Variants in CCNY observed in about 807,000 individuals in gnomAD.
CCNY encodes cyclin-Y.
CCNY carries 19 observed loss-of-function variants against 42.8 expected under a neutral mutation model. That is an observed-to-expected ratio of 0.44 (90% confidence interval 0.31 to 0.65). CCNY has a LOEUF of 0.65. Ranked by LOEUF, CCNY falls within the 30% of genes least tolerant of loss-of-function variation. The pLI is 0.07. For missense variants in CCNY, 370 were observed against 437.3 expected, an observed-to-expected ratio of 0.85 and a Z score of 1.37; for synonymous variants, 165 against 162.7, an observed-to-expected ratio of 1.01 and a Z score of -0.11.
chr10:35,494,420 C>T (rs563935616), intron 2 of CCNY, among the ~76,000 whole-genome samples: 1 of 152,204 alleles, frequency 6.6e-6, no homozygotes, highest in East Asian at 1.9e-4. Flanking sequence ...AAAATGATAA[C>T]GTCACCTCCA....
At chr10:35,558,482 G>C (rs1841404024) in intron 8 of CCNY, among the ~76,000 whole-genome samples, 1 of 152,210 alleles carries the variant, frequency 6.6e-6, no homozygotes, top group African/African-American at 2.4e-5. Flanking sequence ...GAGTCCCGCT[G>C]AGTCCTGTAA....
intron 1 of CCNY, among the ~76,000 whole-genome samples, chr10:35,476,269 C>T (rs1009994960): frequency 1.6e-4 from 25 of 152,142 alleles, no homozygotes; most frequent in Non-Finnish European, 3.5e-4. Context: ...GAACTCGGCT[C>T]TGCACCAAGC....
intron 2 of CCNY, among the ~76,000 whole-genome samples, chr10:35,492,267 C>T (rs1839914567): frequency 6.6e-6 from 1 of 152,222 alleles, no homozygotes; most frequent in Non-Finnish European, 1.5e-5. Flanking sequence ...CCCCTCCAGG[C>T]CTGAGAGGCC....
At chr10:35,563,867 CCTGA>C (rs1339780991) in intron 8 of CCNY, among the ~76,000 whole-genome samples, 27 of 149,892 alleles carry the variant, frequency 1.8e-4, no homozygotes, top group African/African-American at 4.7e-4. Context: ...CACCACCATG[CCTGA>C]CTAATTTTTT....
chr10:35,377,155 TA>T (rs1564388308), intron 1 of CCNY, among the ~76,000 whole-genome samples: 1 of 152,102 alleles, frequency 6.6e-6, no homozygotes, highest in African/African-American at 2.4e-5. Flanking sequence ...AATTACTTTT[TA>T]AAAAAATATA....
At chr10:35,287,077 GT>G (rs886250073) in intron 3 of CCNY, among the ~76,000 whole-genome samples, 33 of 152,188 alleles carry the variant, frequency 2.2e-4, no homozygotes, top group Admixed American at 2.1e-3. Flanking sequence ...TCAAGAGAGT[GT>G]TTTTTATGTA....
chr10:35,530,766 G>A lies in CCNY; in HGVS notation c.579+523G>A, dbSNP rs979981786. The stretch of plus-strand genomic sequence containing the variant: ...AGGTAACGTATATTTTAAGACTCAA[G>A]AAAAAATAAAAATTTGTTTTTACAG... On this transcript the variant is annotated intron_variant, in intron 7 of 9. Coordinates refer to ENST00000374704, the MANE Select transcript of CCNY (RefSeq NM_145012.6). This position sits in a 1 kb window ranked among gnomAD's most constrained non-coding sequence, Gnocchi z 4.3. Among the ~76,000 whole-genome samples the A allele has an allele frequency of 2.0e-5, 3 of 152,096 alleles. No homozygotes were observed. The highest frequency in any genetic ancestry group is 7.2e-5 in the African/African-American group (3 of 41,420).
At chr10:35,519,948 T>A (rs7075781) in intron 4 of CCNY, among the ~76,000 whole-genome samples, 7,520 of 152,166 alleles carry the variant, frequency 0.049, 536 homozygotes, top group African/African-American at 0.16. Flanking sequence ...CAGCTAATTT[T>A]TGCATTTTTT....
At chr10:35,557,048 G>T (rs1030972041) in intron 8 of CCNY, among the ~76,000 whole-genome samples, 26 of 152,096 alleles carry the variant, frequency 1.7e-4, no homozygotes, top group African/African-American at 5.6e-4. Flanking sequence ...GTTTCACCAT[G>T]TTGGCCAGGC....
At chr10:35,549,106 C>T (rs1267309312) in intron 7 of CCNY, among the ~76,000 whole-genome samples, 2 of 144,888 alleles carry the variant, frequency 1.4e-5, no homozygotes, top group Non-Finnish European at 3.0e-5. Context: ...CCACCCCACC[C>T]CCCCCCGCCC....
intron 1 of CCNY, among the ~76,000 whole-genome samples, chr10:35,459,948 A>G (rs547555004): frequency 6.6e-6 from 1 of 152,166 alleles, no homozygotes; most frequent in Non-Finnish European, 1.5e-5. Flanking sequence ...GAAGGGAAAA[A>G]AAGGATTACT....
intron 7 of CCNY, among the ~76,000 whole-genome samples, chr10:35,544,532 A>G (rs1194064848): frequency 6.6e-6 from 1 of 152,184 alleles, no homozygotes; most frequent in African/African-American, 2.4e-5. Context: ...ATTTTTCAGA[A>G]TGTACCCATT....
intron 2 of CCNY, among the ~76,000 whole-genome samples, chr10:35,485,327 T>A (rs1210543912): frequency 6.6e-6 from 1 of 152,250 alleles, no homozygotes; most frequent in Non-Finnish European, 1.5e-5. Flanking sequence ...CCGTGCTTTT[T>A]AAAAACTTTT....
chr10:35,446,374 C>A (rs1384283900), intron 1 of CCNY, among the ~76,000 whole-genome samples: 1 of 152,200 alleles, frequency 6.6e-6, no homozygotes, highest in African/African-American at 2.4e-5. Flanking sequence ...ACTGGACACA[C>A]ATGCTCAGTG....
chr10:35,550,423 G>C (rs942518555), intron 7 of CCNY, among the ~76,000 whole-genome samples: 2 of 152,128 alleles, frequency 1.3e-5, no homozygotes, highest in Non-Finnish European at 2.9e-5. Context: ...TCTGCCCGGA[G>C]TTTTGCTTCC....
intron 3 of CCNY, among the ~76,000 whole-genome samples, chr10:35,319,712 A>G (rs1231346862): frequency 6.6e-6 from 1 of 151,984 alleles, no homozygotes; most frequent in African/African-American, 2.4e-5. Flanking sequence ...CGTCTCTACT[A>G]AAAATACAAA....
At chr10:35,506,350 C>T (rs1310899715) in intron 3 of CCNY, among the ~76,000 whole-genome samples, 2 of 152,148 alleles carry the variant, frequency 1.3e-5, no homozygotes, top group Non-Finnish European at 2.9e-5. Context: ...CTGCTTCACC[C>T]AGGGATGTTG....
intron 1 of CCNY, among the ~76,000 whole-genome samples, chr10:35,476,644 A>T (rs1347680689): frequency 6.6e-6 from 1 of 151,272 alleles, no homozygotes; most frequent in Non-Finnish European, 1.5e-5. Flanking sequence ...CAGTGTGTAG[A>T]GGGAAATTTA....
At position 35,325,085 on chromosome 10, in the gene CCNY, T is replaced by C. The variant is rs1041521187; in HGVS notation, c.-9+74459T>C. Among the ~76,000 whole-genome samples the C allele has an allele frequency of 5.3e-5, 8 of 152,236 alleles. No individual in the cohort carries two copies. In the East Asian group the frequency reaches 5.8e-4, roughly 11 times the overall value. Reference sequence around the variant, plus strand: ...ACTGCAGACATTTTATTTGGAGATATGAAGTTAAGGACATTTTTGGCAATC... The same window carrying C: ...ACTGCAGACATTTTATTTGGAGATACGAAGTTAAGGACATTTTTGGCAATC... On this transcript the variant is annotated intron_variant, in intron 3 of 11. Transcript: ENST00000374706.
Sources: allele counts gnomAD v4.1 joint callset (sites outside exome capture counted in the v4.1 genomes callset), GRCh38; gene constraint gnomAD v4.1.1; non-coding constraint Gnocchi (gnomAD v3.1); transcripts MANE v1.5; gene names NCBI Gene and HGNC (gene_info 2026-07-23, HGNC 2026-07-21).